ARAP2: variants seen among roughly 807,000 people sequenced by gnomAD.
ARAP2 encodes the protein ArfGAP with RhoGAP domain, ankyrin repeat and PH domain 2.
ARAP2 carries 148 observed loss-of-function variants against 194.5 expected under a neutral mutation model. The ratio of observed to expected loss-of-function variants is 0.76; its 90% CI spans 0.67 to 0.87. The LOEUF is 0.87. Ranked by LOEUF, ARAP2 falls within the 40% of genes least tolerant of loss-of-function variation. The probability of loss-of-function intolerance (pLI) is 0.00; values close to 1 mark genes in which losing one functional copy is unlikely to be tolerated. For synonymous variants in ARAP2, 695 were observed against 683.5 expected, an observed-to-expected ratio of 1.02 and a Z score of -0.26; for missense variants, 2,128 against 1,989.7, an observed-to-expected ratio of 1.07 and a Z score of -1.32.
chr4:36,181,559 G>A (rs1739257415), intron 8 of ARAP2, among the ~76,000 whole-genome samples: 1 of 152,162 alleles, frequency 6.6e-6, no homozygotes, highest in South Asian at 2.1e-4. Context: ...ATAAAGTTTA[G>A]CTGGACCTTT....
At chr4:36,123,576 C>T (rs778999962) in intron 22 of ARAP2, among the ~76,000 whole-genome samples, 1 of 151,640 alleles carries the variant, frequency 6.6e-6, no homozygotes, top group Non-Finnish European at 1.5e-5. Context: ...TCCAAGTGTT[C>T]CATATTCAGC....
intron 26 of ARAP2, among the ~76,000 whole-genome samples, chr4:36,112,924 CTAA>C (rs1720397701): frequency 2.6e-5 from 4 of 151,496 alleles, no homozygotes; most frequent in Non-Finnish European, 5.9e-5. Flanking sequence ...AAGAGATTAT[CTAA>C]TAATAATAAA....
intron 5 of ARAP2, among the ~76,000 whole-genome samples, chr4:36,020,503 T>C (rs1047296273): frequency 1.3e-5 from 2 of 148,582 alleles, no homozygotes; most frequent in African/African-American, 5.0e-5. Context: ...ACAGAAACAC[T>C]GGGTAAGGGA....
intron 6 of ARAP2, among the ~76,000 whole-genome samples, chr4:36,200,889 A>G (rs937820459): frequency 3.3e-5 from 5 of 152,228 alleles, no homozygotes; most frequent in Admixed American, 1.3e-4. Flanking sequence ...AATTTCAATT[A>G]CTAGCTTAAT....
At chr4:36,131,207 C>T (rs1042190550) in intron 20 of ARAP2, among the ~76,000 whole-genome samples, 15 of 151,400 alleles carry the variant, frequency 9.9e-5, no homozygotes, top group African/African-American at 3.4e-4. Context: ...TTGAGGTTTC[C>T]CCAACGTTCT....
rs1294774306 is a variant in ARAP2 at position 36,229,120 on chromosome 4, C to CA, written c.366dup (p.Val123CysfsTer2). The CA allele has an allele frequency of 5.0e-6, 8 of 1,613,914 alleles. No individual in the cohort carries two copies. Among genetic ancestry groups the CA allele is most frequent in the Non-Finnish European group, 5.9e-6 (7 of 1,180,000 alleles). On this transcript the variant is annotated frameshift_variant, in exon 2 of 33. Transcript: ENST00000303965. LOFTEE classifies it high-confidence loss of function. ...TCACTGTCTTCAAGATTTTTTCTAA[C>CA]AGTCTCCAACTGCGGTGGGCTAGAT...
At chr4:36,014,297 G>GAAAGAAAGAAAGAAAGA (rs869236110) in intron 8 of ARAP2, among the ~76,000 whole-genome samples, 1 of 130,020 alleles carries the variant, frequency 7.7e-6, no homozygotes, top group East Asian at 2.2e-4. Context: ...AAGAAAGAAA[G>GAAAGAAAGAAAGAAAGA]AAGAGAAGGA....
chr4:36,062,909 A>C (rs573137066), downstream of ARAP2, among the ~76,000 whole-genome samples: 2 of 152,322 alleles, frequency 1.3e-5, no homozygotes, highest in Admixed American at 6.5e-5. Context: ...TAATTACCTG[A>C]TTCATTTCTG....
At chr4:36,187,381 G>C (rs1010756837) in intron 8 of ARAP2, 70 bp downstream of exon 8, 2 of 864,586 alleles carry the variant, frequency 2.3e-6, no homozygotes, top group African/African-American at 3.5e-5. Context: ...GACATTCCTA[G>C]TCTAACTGGT....
rs558380081 is a variant in ARAP2 at position 36,141,708 on chromosome 4, T to G, written c.3263+5588A>C. On this transcript the variant is annotated intron_variant, in intron 19 of 32. Coordinates refer to ENST00000303965, the MANE Select transcript of ARAP2 (RefSeq NM_015230.4). ...GTGAAATTAATTCATTAAATTTATG[T>G]ATGATTTACATTTCTGGCTCAAGCT... Among the ~76,000 whole-genome samples, 14 of 151,844 alleles carry G rather than the reference T, an allele frequency of 9.2e-5. No homozygotes were observed. In the East Asian group the frequency reaches 2.7e-3, roughly 29 times the overall value.
At chr4:36,042,491 T>A (rs140390454) in intron 5 of ARAP2, among the ~76,000 whole-genome samples, 1 of 152,202 alleles carries the variant, frequency 6.6e-6, no homozygotes, top group African/African-American at 2.4e-5. Context: ...ATGGGACTGT[T>A]CCAGTATACC....
At chr4:36,089,811 T>C (rs1577831239) in intron 28 of ARAP2, among the ~76,000 whole-genome samples, 2 of 152,238 alleles carry the variant, frequency 1.3e-5, no homozygotes, top group East Asian at 3.9e-4. Flanking sequence ...AGAAGAGCTC[T>C]TTATACTCCT....
Position 36,066,888 on chromosome 4 carries a change from T to C in ARAP2, c.*1019A>G, listed in dbSNP as rs1725589718. The C allele has an allele frequency of 6.6e-6, 1 of 152,196 alleles. No homozygotes were observed. Among genetic ancestry groups the C allele is most frequent in the Non-Finnish European group, 1.5e-5 (1 of 68,024 alleles). The allele number at this position is 152,196 out of a possible 1,614,324, so 9.4% of individuals were successfully genotyped here. A position where few individuals can be genotyped will look rare whatever the true frequency, so the allele number is the denominator to read the frequency against. Reference sequence around the variant, plus strand: ...CCCTGGCTCCATAATGGCCATATATTGTATTCTTCCAGTTATTTCTGACAA... The same window carrying C: ...CCCTGGCTCCATAATGGCCATATATCGTATTCTTCCAGTTATTTCTGACAA... On this transcript the variant is annotated 3_prime_UTR_variant, in exon 33 of 33. Coordinates refer to ENST00000303965, the MANE Select transcript of ARAP2 (RefSeq NM_015230.4).
At chr4:36,025,645 T>A (rs1000928174) in intron 5 of ARAP2, among the ~76,000 whole-genome samples, 1 of 151,954 alleles carries the variant, frequency 6.6e-6, no homozygotes, top group Non-Finnish European at 1.5e-5. Flanking sequence ...GTAAATATAA[T>A]TATGGAATGG....
In ARAP2 at chr4:36,184,238, C is replaced by A. The variant is rs189648787; in HGVS notation, c.1678+3213G>T. Among the ~76,000 whole-genome samples the A allele has an allele frequency of 3.3e-3, 502 of 151,122 alleles. 2 individuals are homozygous for A. The highest frequency in any genetic ancestry group is 0.014 in the Middle Eastern group (4 of 294). ...CACTTAATAAAACATATTTAGTGTA[C>A]TGTTGAAAGTTCCATACAAAACATA... On this transcript the variant is annotated intron_variant, in intron 8 of 32. Coordinates refer to ENST00000303965, the MANE Select transcript of ARAP2 (RefSeq NM_015230.4).
chr4:36,104,390 C>T (rs1455261340), intron 27 of ARAP2, among the ~76,000 whole-genome samples: 2 of 151,870 alleles, frequency 1.3e-5, no homozygotes, highest in Non-Finnish European at 2.9e-5. Context: ...TTCGTTATTT[C>T]CCTTTTAGAT....
chr4:36,117,264 C>T lies in ARAP2; in HGVS notation c.3964-129G>A, dbSNP rs914745100. On this transcript the variant is annotated intron_variant, in intron 24 of 32. Coordinates refer to ENST00000303965, the MANE Select transcript of ARAP2 (RefSeq NM_015230.4). ...TTATAACAATGAAACAAGCTCAATT[C>T]CCCTGCTCACAAGCATGATGTGCCC... The T allele has an allele frequency of 2.0e-4, 121 of 595,636 alleles. 1 individual carries two copies. Among genetic ancestry groups the T allele is most frequent in the Middle Eastern group, 7.5e-4 (2 of 2,660 alleles). The allele number at this position is 595,636 out of a possible 1,614,324, so 36.9% of individuals were successfully genotyped here.
chr4:36,094,457 A>C (rs1449306325), intron 27 of ARAP2, among the ~76,000 whole-genome samples: 1 of 152,100 alleles, frequency 6.6e-6, no homozygotes, highest in Non-Finnish European at 1.5e-5. Context: ...ACTCCTCTCC[A>C]CCAAGAACCT....
chr4:36,056,489 A>G (rs1223086703), intron 2 of ARAP2, among the ~76,000 whole-genome samples: 1 of 152,216 alleles, frequency 6.6e-6, no homozygotes, highest in African/African-American at 2.4e-5. Context: ...TTTTCTTTAG[A>G]TTACTATCTG....
Sources: gnomAD v4.1 joint callset for allele counts (sites outside exome capture counted in the v4.1 genomes callset) on GRCh38, gnomAD v4.1.1 for gene constraint, MANE v1.5 for transcripts, NCBI Gene and HGNC (gene_info 2026-07-23, HGNC 2026-07-21) for gene names.